PPFIA2: variants seen among roughly 807,000 people sequenced by gnomAD.
PPFIA2 encodes liprin-alpha-2.
PPFIA2 carries 46 observed loss-of-function variants against 175.5 expected under a neutral mutation model. That is an observed-to-expected ratio of 0.26 (90% CI 0.21 to 0.34). The LOEUF (loss-of-function observed/expected upper bound fraction) is 0.34, where lower values mean the gene tolerates loss of function less well. Among genes scored for constraint, PPFIA2 ranks in the 10% least tolerant of loss-of-function variants. The pLI is 1.00. For missense variants in PPFIA2, 1,179 were observed against 1,506.1 expected (o/e 0.78, Z 3.60); for synonymous variants, 568 against 511.4 (o/e 1.11, Z -1.49).
intron 3 of PPFIA2, among the ~76,000 whole-genome samples, chr12:81,699,888 T>C (rs890298958): frequency 5.3e-5 from 8 of 152,222 alleles, no homozygotes; most frequent in Non-Finnish European, 5.9e-5. Context: ...TCCACATTTC[T>C]ATTGAATCTT....
intron 3 of PPFIA2, among the ~76,000 whole-genome samples, chr12:81,708,185 A>G (rs1465163094): frequency 6.6e-6 from 1 of 152,014 alleles, no homozygotes; most frequent in African/African-American, 2.4e-5. Flanking sequence ...TAAAAAAACA[A>G]AAAAAATGGA....
At chr12:81,524,935 A>G (rs1023604736) in intron 4 of PPFIA2, among the ~76,000 whole-genome samples, 1 of 152,172 alleles carries the variant, frequency 6.6e-6, no homozygotes, top group Non-Finnish European at 1.5e-5. Flanking sequence ...CTCCTCACCA[A>G]TTAAAGCTGC....
intron 7 of PPFIA2, among the ~76,000 whole-genome samples, chr12:81,421,680 C>T (rs1360609668): frequency 2.6e-5 from 4 of 151,826 alleles, no homozygotes; most frequent in African/African-American, 9.7e-5. Context: ...TTAGTAATTC[C>T]TCACCTGTCA....
At chr12:81,677,529 C>G (rs935320824) in intron 3 of PPFIA2, among the ~76,000 whole-genome samples, 1 of 151,884 alleles carries the variant, frequency 6.6e-6, no homozygotes, top group Non-Finnish European at 1.5e-5. Flanking sequence ...GTGGTAACCA[C>G]CATTCTATTC....
chr12:81,507,629 A>C (rs116478051), intron 4 of PPFIA2, among the ~76,000 whole-genome samples: 13,900 of 152,206 alleles, frequency 0.091, 831 homozygotes, highest in Middle Eastern at 0.15. Flanking sequence ...GCATATAACC[A>C]CTAGCAACCA....
At chr12:81,647,975 G>T (rs1297551400) in intron 4 of PPFIA2, among the ~76,000 whole-genome samples, 1 of 145,608 alleles carries the variant, frequency 6.9e-6, no homozygotes, top group Non-Finnish European at 1.5e-5. Context: ...AAAGCTAGAA[G>T]ACAAGGGAGC....
At chr12:81,703,784 C>T (rs2076781381) in intron 3 of PPFIA2, among the ~76,000 whole-genome samples, 2 of 152,074 alleles carry the variant, frequency 1.3e-5, no homozygotes, top group African/African-American at 4.8e-5. Flanking sequence ...CTTCCTAATG[C>T]CACTGTGTAC....
chr12:81,556,043 A>C (rs2068801847), intron 4 of PPFIA2, among the ~76,000 whole-genome samples: 2 of 151,894 alleles, frequency 1.3e-5, no homozygotes. Flanking sequence ...GGTGATTCTG[A>C]CATCACTGGT....
At chr12:81,269,414 G>T (rs2038402497) in intron 28 of PPFIA2, among the ~76,000 whole-genome samples, 1 of 152,016 alleles carries the variant, frequency 6.6e-6, no homozygotes, top group Non-Finnish European at 1.5e-5. Context: ...AAATCTTTCA[G>T]GAAATATTCT....
At chr12:81,505,582 C>A (rs1190445979) in intron 4 of PPFIA2, 1 of 152,178 alleles carries the variant, frequency 6.6e-6, no homozygotes, top group East Asian at 1.9e-4. Context: ...ATTTTCTGGA[C>A]TCTGGCTGCA....
intron 4 of PPFIA2, among the ~76,000 whole-genome samples, chr12:81,623,017 G>A (rs1595721612): frequency 6.6e-6 from 1 of 152,208 alleles, no homozygotes; most frequent in East Asian, 1.9e-4. Context: ...GGGAAAATGT[G>A]TTTACATGTT....
chr12:81,345,749 G>A lies in PPFIA2; in HGVS notation c.2233-1056C>T, dbSNP rs536232835. Reference sequence around the variant, plus strand: ...GTACTAAGTTGCTCATTAATACTATGTAGCATATCTTATATAGGCAGAAAC... The same window carrying A: ...GTACTAAGTTGCTCATTAATACTATATAGCATATCTTATATAGGCAGAAAC... On this transcript the variant is annotated intron_variant, in intron 18 of 32. Coordinates refer to ENST00000549396, the MANE Select transcript of PPFIA2 (RefSeq NM_003625.5). 3.9e-5 allele frequency among the ~76,000 whole-genome samples: 6 copies of A among 152,250 alleles called. No homozygotes were observed. The South Asian group carries it at 1.2e-3, about 32-fold the overall frequency.
chr12:81,304,342 GT>G (rs1489759717), intron 22 of PPFIA2, among the ~76,000 whole-genome samples: 1 of 152,180 alleles, frequency 6.6e-6, no homozygotes, highest in African/African-American at 2.4e-5. Flanking sequence ...TATATGCCAA[GT>G]TTTGCAGCAA....
chr12:81,416,316 A>AGT (rs2045251875), intron 7 of PPFIA2, among the ~76,000 whole-genome samples: 2 of 151,596 alleles, frequency 1.3e-5, no homozygotes, highest in Non-Finnish European at 3.0e-5. Context: ...CTCAATTTAG[A>AGT]ATATATATAA....
At chr12:81,723,940 G>T (rs1463712776) in intron 3 of PPFIA2, among the ~76,000 whole-genome samples, 2 of 150,876 alleles carry the variant, frequency 1.3e-5, no homozygotes, top group Non-Finnish European at 3.0e-5. Context: ...CAGCTAAAAT[G>T]TTTGAGATTG....
At chr12:81,497,257 C>G (rs1027626041) in intron 4 of PPFIA2, among the ~76,000 whole-genome samples, 1 of 151,976 alleles carries the variant, frequency 6.6e-6, no homozygotes, top group Non-Finnish European at 1.5e-5. Flanking sequence ...GCAATTGCAC[C>G]AAGCCCACAT....
intron 4 of PPFIA2, among the ~76,000 whole-genome samples, chr12:81,616,844 C>T (rs2153475438): frequency 6.6e-6 from 1 of 152,274 alleles, no homozygotes; most frequent in Admixed American, 6.5e-5. Context: ...ATTATACACA[C>T]TGGCAGTCAC....
chr12:81,642,796 TATGTATGTATGTATTACATAC>T (rs1595920208), intron 4 of PPFIA2, among the ~76,000 whole-genome samples: 1 of 30,334 alleles, frequency 3.3e-5, no homozygotes, highest in East Asian at 8.6e-4. Flanking sequence ...CATACATGTA[TATGTATGTATGTATTACATAC>T]ATGTATATGT....
At chr12:81,487,719 C>T (rs2058984809) in intron 4 of PPFIA2, among the ~76,000 whole-genome samples, 1 of 151,716 alleles carries the variant, frequency 6.6e-6, no homozygotes. Context: ...CAGTCAATTC[C>T]AGTTATTTCT....
Sources: allele counts gnomAD v4.1 joint callset (sites outside exome capture counted in the v4.1 genomes callset), GRCh38; gene constraint gnomAD v4.1.1; transcripts MANE v1.5; gene names NCBI Gene and HGNC (gene_info 2026-07-23, HGNC 2026-07-21).